The following LIG3 variants were observed in gnomAD, a reference collection of about 807,000 sequenced individuals.
LIG3 encodes DNA ligase 3, also known as ligase II, DNA, ATP-dependent.
A neutral mutation model predicts 110.9 loss-of-function variants in LIG3; 58 were observed. That is an observed-to-expected ratio of 0.52 (90% CI 0.42 to 0.65). The LOEUF (loss-of-function observed/expected upper bound fraction) is 0.65, where lower values mean the gene tolerates loss of function less well. Ranked by LOEUF, LIG3 falls within the 30% of genes least tolerant of loss-of-function variation. The pLI, the probability that LIG3 is intolerant of heterozygous loss-of-function variation, is 0.00. For synonymous variants in LIG3, 422 were observed against 472.8 expected (o/e 0.89, Z 1.39); for missense variants, 1,094 against 1,273.8 (o/e 0.86, Z 2.15).
Position 35,005,479 on chromosome 17 carries a change from G to C in LIG3, c.*973G>C. 1.8e-6 allele frequency: 1 copy of C among 561,788 alleles called. No individual in the cohort carries two copies. The highest frequency in any genetic ancestry group is 3.6e-6 in the Non-Finnish European group (1 of 277,254). The allele number at this position is 561,788 out of a possible 1,614,324, so 34.8% of individuals were successfully genotyped here. On this transcript the variant is annotated 3_prime_UTR_variant, in exon 20 of 20. Transcript: ENST00000378526. ...ATTGTTGAACCCCCAAGTATTGGCT[G>C]ATGAACGTGGGCATCAGAGGCCAGT...
intron 1 of LIG3, 107 bp from the exon 2 acceptor site, chr17:34,982,895 A>G: frequency 1.3e-6 from 1 of 774,770 alleles, no homozygotes; most frequent in South Asian, 2.3e-5. Flanking sequence ...AAAGTGTTTG[A>G]TTAGTCATCA....
intron 2 of LIG3, among the ~76,000 whole-genome samples, chr17:34,984,021 C>T (rs1417377695): frequency 6.6e-6 from 1 of 152,196 alleles, no homozygotes; most frequent in African/African-American, 2.4e-5. Flanking sequence ...CATCATGGCC[C>T]TTTAAAATTC....
chr17:35,004,013 G>A, intron 19 of LIG3: 1 of 480,186 alleles, frequency 2.1e-6, no homozygotes, highest in Non-Finnish European at 3.8e-6. Context: ...TTATACACAT[G>A]TACTCTTCCC....
intron 18 of LIG3, 98 bp downstream of exon 18, chr17:35,002,202 C>T (rs2090850895): frequency 1.9e-6 from 2 of 1,061,414 alleles, no homozygotes; most frequent in Admixed American, 2.9e-5. Context: ...CCTGAGATCT[C>T]ATGATTATCT....
In LIG3 at chr17:34,996,595, A is replaced by G. The variant is rs2090780689; in HGVS notation, c.1765A>G (p.Asn589Asp). Residue 589 changes from asparagine to aspartate, a missense_variant, in exon 11 of 20, where the codon AAT becomes GAT. Asn to Asp is a conservative substitution (Grantham distance 23). Coordinates refer to ENST00000378526, the MANE Select transcript of LIG3 (RefSeq NM_013975.4). ...VHKKAAFQDA[N>D]VCLFVFDCIY... is the part of the protein sequence containing the mutation. Reference sequence around the variant, plus strand: ...ACAGAAAGCAGCCTTCCAGGATGCTAATGTCTGCCTGTTTGTTTTTGATTG... The same window carrying G: ...ACAGAAAGCAGCCTTCCAGGATGCTGATGTCTGCCTGTTTGTTTTTGATTG... The G allele has an allele frequency of 6.2e-7, 1 of 1,613,944 alleles. No homozygotes were observed. The highest frequency in any genetic ancestry group is 8.5e-7 in the Non-Finnish European group (1 of 1,179,910).
rs763977381 is a variant in LIG3 at position 34,991,094 on chromosome 17, A to T, written c.1021A>T (p.Met341Leu). The T allele has an allele frequency of 1.9e-6, 3 of 1,614,024 alleles. No homozygotes were observed. The Admixed American group carries it at 5.0e-5, about 27-fold the overall frequency. Reference protein sequence around the residue: ...SRIFNCNPDDMARDLEQGDVS... With the variant: ...SRIFNCNPDDLARDLEQGDVS... ...CATTTTTAACTGCAACCCAGATGAT[A>T]TGGCACGGGACCTAGAGCAGGTCAG... The change falls in exon 5 of 20, where the codon ATG becomes TTG. Residue 341 changes from methionine (M) to leucine (L), a missense_variant. Met to Leu is a conservative substitution (Grantham distance 15). Coordinates refer to ENST00000378526, the MANE Select transcript of LIG3 (RefSeq NM_013975.4).
intron 13 of LIG3, 141 bp from the exon 14 acceptor site, chr17:34,998,463 C>G: frequency 8.6e-7 from 1 of 1,160,962 alleles, no homozygotes; most frequent in Non-Finnish European, 1.3e-6. Context: ...CTTTGTGTGT[C>G]TCCTATAGTG....
At chr17:34,988,433 A>C (rs1597792442) in intron 3 of LIG3, among the ~76,000 whole-genome samples, 1 of 152,152 alleles carries the variant, frequency 6.6e-6, no homozygotes, top group African/African-American at 2.4e-5. Context: ...TCCGGATCAG[A>C]GATGAGGATG....
At chr17:34,994,488 C>T (rs529175702) in intron 9 of LIG3, 57 bp downstream of exon 9, 240 of 1,562,312 alleles carry the variant, frequency 1.5e-4, no homozygotes, top group Non-Finnish European at 2.0e-4. Flanking sequence ...CTCTAACAAC[C>T]TCAGGGCCAG....
chr17:34,998,542 G>T, intron 13 of LIG3, 62 bp from the exon 14 acceptor site: 2 of 1,594,522 alleles, frequency 1.3e-6, no homozygotes, highest in South Asian at 2.3e-5. Context: ...GCAGTGAAGG[G>T]GTGAACCCAT....
rs552137709 is a variant in LIG3, at chr17:35,005,343, C to T, written c.*837C>T. 1 of 554,282 alleles carries T rather than the reference C, an allele frequency of 1.8e-6. No homozygotes were observed. Among genetic ancestry groups the T allele is most frequent in the African/African-American group, 1.9e-5 (1 of 52,780 alleles). 34.3% of individuals were successfully genotyped at this position (554,282 alleles called of 1,614,324 possible). On this transcript the variant is annotated 3_prime_UTR_variant, in exon 20 of 20. Coordinates refer to ENST00000378526, the MANE Select transcript of LIG3 (RefSeq NM_013975.4). ...ATCCCATTCTTAGTGCTCGAGTGTT[C>T]CAACCTGAAGTTGAAGAAGCCACCC...
chr17:34,986,369 T>C (rs1369271092), intron 3 of LIG3, among the ~76,000 whole-genome samples: 4 of 152,188 alleles, frequency 2.6e-5, no homozygotes, highest in African/African-American at 9.6e-5. Flanking sequence ...TCATCCAAGC[T>C]GGAGTGCAGT....
In LIG3 at chr17:35,005,796, C is replaced by G; in HGVS notation, c.*1290C>G. 1 of 514,374 alleles carries G rather than the reference C, an allele frequency of 1.9e-6. No homozygotes were observed. The highest frequency in any genetic ancestry group is 3.9e-6 in the Non-Finnish European group (1 of 258,770). 31.9% of individuals were successfully genotyped at this position (514,374 alleles called of 1,614,324 possible). A position where few individuals can be genotyped will look rare whatever the true frequency, so the allele number is the denominator to read the frequency against. On this transcript the variant is annotated 3_prime_UTR_variant, in exon 20 of 20. Transcript: ENST00000378526. ...TGGATTTGCTCCTGTCAATGAAGTT[C>G]TAAAGGCTGTACCAATCCTCCAATA...
intron 2 of LIG3, 37 bp from the exon 3 acceptor site, chr17:34,985,950 CA>C: frequency 6.3e-7 from 1 of 1,598,078 alleles, no homozygotes. Context: ...AGAGATCGTT[CA>C]CTGAAGGATA....
chr17:35,004,567 T>G lies in LIG3; in HGVS notation c.*61T>G. The G allele has an allele frequency of 7.1e-7, 1 of 1,413,340 alleles. No individual in the cohort carries two copies. The highest frequency in any genetic ancestry group is 1.7e-5 in the Admixed American group (1 of 58,148). The allele number at this position is 1,413,340 out of a possible 1,614,324, so 87.5% of individuals were successfully genotyped here. On this transcript the variant is annotated 3_prime_UTR_variant, in exon 20 of 20. Transcript: ENST00000378526. ...CCTTTACCATACTACTGGACTGGAC[T>G]CAGGCTGGAGGCAGATAGACACAGT...
chr17:34,998,380 C>A, intron 13 of LIG3, 84 bp downstream of exon 13: 1 of 1,277,050 alleles, frequency 7.8e-7, no homozygotes, highest in South Asian at 1.4e-5. Flanking sequence ...CAGGAGATGG[C>A]GGTGGCAGCC....
At chr17:35,002,169 G>A (rs1178673827) in intron 18 of LIG3, 65 bp downstream of exon 18, 3 of 1,379,332 alleles carry the variant, frequency 2.2e-6, no homozygotes, top group East Asian at 2.4e-5. Flanking sequence ...TCCAAGGGCA[G>A]GGACCCAGTC....
intron 11 of LIG3, chr17:34,997,456 C>T: frequency 2.8e-6 from 1 of 362,982 alleles, no homozygotes; most frequent in Admixed American, 3.6e-5. Context: ...AGAATTTATA[C>T]AATCTGGGCT....
chr17:34,990,695 C>CTAAA (rs1174661497), intron 4 of LIG3, among the ~76,000 whole-genome samples: 1 of 152,162 alleles, frequency 6.6e-6, no homozygotes, highest in Non-Finnish European at 1.5e-5. Flanking sequence ...ACCTCCTGAG[C>CTAAA]TAAAGCAACC....
Sources: allele counts gnomAD v4.1 joint callset (sites outside exome capture counted in the v4.1 genomes callset), GRCh38; gene constraint gnomAD v4.1.1; transcripts MANE v1.5; gene names NCBI Gene and HGNC (gene_info 2026-07-23, HGNC 2026-07-21).